IPO5: variants seen among roughly 807,000 people sequenced by gnomAD.
The protein encoded by IPO5 is importin 5, also known as importin-5.
A neutral mutation model predicts 143.3 loss-of-function variants in IPO5; 18 were observed. The observed-to-expected ratio is 0.13, with a 90% CI of 0.09 to 0.19. The LOEUF is 0.19. Among genes scored for constraint, IPO5 ranks in the 10% least tolerant of loss-of-function variants. The pLI is 1.00. For synonymous variants in IPO5, 477 were observed against 465.7 expected (o/e 1.02, Z -0.31); for missense variants, 1,013 against 1,336.9 (o/e 0.76, Z 3.78).
Position 97,969,725 on chromosome 13 carries a change from G to A in IPO5, c.-110G>A. 7.4e-7 allele frequency: 1 copy of A among 1,357,720 alleles called. No homozygotes were observed. Among genetic ancestry groups the A allele is most frequent in the South Asian group, 1.2e-5 (1 of 85,398 alleles). 84.1% of individuals were successfully genotyped at this position (1,357,720 alleles called of 1,614,324 possible). The stretch of plus-strand genomic sequence containing the variant: ...CCATTCTGTTTCTGTCAAATCAGCA[G>A]AGGAAAGAAATTCCTAAGGGAACAC... On this transcript the variant is annotated splice_region_variant and 5_prime_UTR_variant, in exon 3 of 29. Coordinates refer to ENST00000651721, the MANE Select transcript of IPO5 (RefSeq NM_002271.6).
At chr13:98,001,963 T>C (rs894058154) in intron 13 of IPO5, 2 of 152,042 alleles carry the variant, frequency 1.3e-5, no homozygotes, top group African/African-American at 4.8e-5. Context: ...CTGTTCATTT[T>C]TCTAAAAAGT....
At chr13:97,987,234 AAG>A (rs1887437553) in intron 6 of IPO5, 1 of 153,060 alleles carries the variant, frequency 6.5e-6, no homozygotes, top group African/African-American at 2.4e-5. Context: ...CTGCTCGTAG[AAG>A]AGAGTGTAGC....
chr13:97,969,173 A>ATTTTTT (rs1363779886), intron 2 of IPO5, among the ~76,000 whole-genome samples: 66 of 70,110 alleles, frequency 9.4e-4, no homozygotes, highest in African/African-American at 2.0e-3. Flanking sequence ...ATATATATAT[A>ATTTTTT]TATTTTTTTT....
intron 13 of IPO5, chr13:98,001,803 G>C (rs1450493230): frequency 6.6e-6 from 1 of 151,954 alleles, no homozygotes; most frequent in Non-Finnish European, 1.5e-5. Context: ...TAGTAGAGAC[G>C]GGGTTTCGCC....
At chr13:97,995,808 T>C (rs1448177586) in intron 11 of IPO5, among the ~76,000 whole-genome samples, 3 of 152,152 alleles carry the variant, frequency 2.0e-5, no homozygotes, top group Non-Finnish European at 2.9e-5. Context: ...ACCTGAATAT[T>C]ACCTTGCACG....
At chr13:97,959,047 C>T (rs1480719904) in intron 2 of IPO5, among the ~76,000 whole-genome samples, 3 of 151,950 alleles carry the variant, frequency 2.0e-5, no homozygotes, top group Non-Finnish European at 4.4e-5. Context: ...TGGCGGGCAC[C>T]TGTAATCCCA....
At position 98,008,077 on chromosome 13, in the gene IPO5, G is replaced by C. The variant is rs1279488903; in HGVS notation, c.1735G>C (p.Asp579His). ...CCTCTAGTTCATGCAGGATGCATCA[G>C]ATGTGATGCAGCTTTTGTTAAAGAC... ...GKEKFMQDASDVMQLLLKTQT... is the reference protein window; with the variant it reads ...GKEKFMQDASHVMQLLLKTQT... Residue 579 changes from aspartate (D) to histidine (H), a missense_variant, in exon 18 of 29, where the codon GAT becomes CAT. Around this residue, in one of 2 missense-constraint regions of IPO5, gnomAD observed 685 missense variants for 994.9 expected, o/e 0.69. Coordinates refer to ENST00000651721, the MANE Select transcript of IPO5 (RefSeq NM_002271.6). 6.3e-7 allele frequency: 1 copy of C among 1,599,310 alleles called. No homozygotes were observed. Among genetic ancestry groups the C allele is most frequent in the Non-Finnish European group, 8.6e-7 (1 of 1,166,496 alleles).
intron 3 of IPO5, among the ~76,000 whole-genome samples, chr13:97,976,301 C>T (rs1886296173): frequency 1.3e-5 from 2 of 151,630 alleles, no homozygotes; most frequent in Non-Finnish European, 2.9e-5. Context: ...TCAACCCCGA[C>T]CCCGACCCCG....
At chr13:97,953,802 GGAAA>G (rs1482573383) in intron 1 of IPO5, 86 bp downstream of exon 1, 1 of 408,990 alleles carries the variant, frequency 2.4e-6, no homozygotes, top group Non-Finnish European at 4.9e-6. Context: ...GATACTGGAG[GGAAA>G]GAGTTTCCCT....
At chr13:98,000,783 C>T (rs538907201) in intron 13 of IPO5, 138 bp downstream of exon 13, 19 of 610,898 alleles carry the variant, frequency 3.1e-5, no homozygotes, top group Admixed American at 8.5e-5. Context: ...TTTATTTTAC[C>T]GATAAAATTG....
In IPO5 at chr13:98,010,088, C is replaced by G. The variant is rs372729936; in HGVS notation, c.1934-15C>G. On this transcript the variant is annotated splice_polypyrimidine_tract_variant and intron_variant, in intron 19 of 28. Coordinates refer to ENST00000651721, the MANE Select transcript of IPO5 (RefSeq NM_002271.6). ...ATTATTTTTCATATGCATTTGTTTTCTTCTCCGTTAATAGCCCAAGACATG... is the reference window on the plus strand; with the variant it reads ...ATTATTTTTCATATGCATTTGTTTTGTTCTCCGTTAATAGCCCAAGACATG... 415 of 1,613,390 alleles carry G rather than the reference C, an allele frequency of 2.6e-4. 1 individual carries two copies. The highest frequency in any genetic ancestry group is 3.4e-4 in the Non-Finnish European group (406 of 1,179,858).
intron 13 of IPO5, chr13:98,000,863 GTTA>G (rs1888711344): frequency 3.7e-6 from 2 of 536,740 alleles, no homozygotes; most frequent in African/African-American, 1.9e-5. Context: ...TGAAAATGAT[GTTA>G]TTATTTGAAT....
intron 16 of IPO5, 83 bp from the exon 17 acceptor site, chr13:98,006,047 A>T: frequency 1.1e-6 from 1 of 904,272 alleles, no homozygotes; most frequent in Non-Finnish European, 1.8e-6. Flanking sequence ...AAAGCATTCA[A>T]GAACTTGAAG....
Position 98,002,792 on chromosome 13 carries a change from A to G in IPO5, c.1323+19A>G. 1 of 1,600,930 alleles carries G rather than the reference A, an allele frequency of 6.2e-7. No individual in the cohort carries two copies. Among genetic ancestry groups the G allele is most frequent in the Non-Finnish European group, 8.5e-7 (1 of 1,174,822 alleles). On this transcript the variant is annotated intron_variant, in intron 15 of 28. Transcript: ENST00000651721. The stretch of plus-strand genomic sequence containing the variant: ...TGAGAAGGTAAGTAACAAGTCCTCA[A>G]ACACTTAAATCAGACTTTAGGAAGA...
intron 3 of IPO5, among the ~76,000 whole-genome samples, chr13:97,972,198 G>C (rs1339182219): frequency 6.6e-6 from 1 of 152,128 alleles, no homozygotes; most frequent in African/African-American, 2.4e-5. Flanking sequence ...TTATTCACTT[G>C]GGAGAATCTT....
chr13:98,017,364 G>A (rs570818119), intron 25 of IPO5, among the ~76,000 whole-genome samples: 49 of 151,506 alleles, frequency 3.2e-4, no homozygotes, highest in African/African-American at 1.1e-3. Context: ...ATGGAGTCTT[G>A]CTCTGTCGCC....
chr13:97,964,843 A>C (rs530505553), intron 2 of IPO5, among the ~76,000 whole-genome samples: 1 of 152,300 alleles, frequency 6.6e-6, no homozygotes, highest in Non-Finnish European at 1.5e-5. Context: ...ATTACTGAGT[A>C]TATACCCAAA....
rs755820426 is a variant in IPO5 at position 98,000,635 on chromosome 13, G to A, written c.1098G>A (p.Met366Ile). The A allele has an allele frequency of 8.7e-6, 14 of 1,612,508 alleles. No individual in the cohort carries two copies. In the African/African-American group the frequency reaches 1.2e-4, roughly 14 times the overall value. Residue 366 changes from methionine to isoleucine, a missense_variant, in exon 13 of 29, where the codon ATG becomes ATA. Transcript: ENST00000651721. ...LPMIKEHIMQ[M>I]LQNPDWKYRH... ...TGATCAAGGAACACATTATGCAAAT[G>A]CTTCAAAATCGTAAGCTGTGTCCTT...
intron 4 of IPO5, chr13:97,977,070 G>T (rs1387892557): frequency 5.9e-6 from 1 of 170,838 alleles, no homozygotes; most frequent in Non-Finnish European, 1.3e-5. Context: ...GTGGGGTGCC[G>T]GGCGGGCCCG....
Sources: allele counts gnomAD v4.1 joint callset (sites outside exome capture counted in the v4.1 genomes callset), GRCh38; gene constraint gnomAD v4.1.1; regional missense constraint gnomAD v4.1.1; transcripts MANE v1.5; gene names NCBI Gene and HGNC (gene_info 2026-07-23, HGNC 2026-07-21).